CCSER1: variants seen among roughly 807,000 people sequenced by gnomAD.
CCSER1 encodes serine-rich coiled-coil domain-containing protein 1.
In CCSER1, 41 loss-of-function variants were observed where a neutral mutation model predicts 82.0. The observed-to-expected ratio is 0.50, with a 90% confidence interval of 0.39 to 0.65. The LOEUF is 0.65. CCSER1 is among the 30% of genes least tolerant of loss of function. The pLI, the probability that CCSER1 is intolerant of heterozygous loss-of-function variation, is 0.00. For missense variants in CCSER1, 1,119 were observed against 1,064.2 expected, an observed-to-expected ratio of 1.05 and a Z score of -0.72; for synonymous variants, 414 against 383.9, an observed-to-expected ratio of 1.08 and a Z score of -0.92.
chr4:90,539,805 T>C (rs1775876906), intron 5 of CCSER1, among the ~76,000 whole-genome samples: 1 of 152,106 alleles, frequency 6.6e-6, no homozygotes, highest in Non-Finnish European at 1.5e-5. Flanking sequence ...ATAAAACTTA[T>C]AAGAAAGTAC....
At chr4:90,812,304 A>T (rs1282735319) in intron 7 of CCSER1, among the ~76,000 whole-genome samples, 3 of 152,124 alleles carry the variant, frequency 2.0e-5, no homozygotes, top group African/African-American at 7.2e-5. Context: ...GTTAATCTCC[A>T]TTGGCAACAG....
At chr4:91,306,157 A>G (rs1038820013) in intron 10 of CCSER1, among the ~76,000 whole-genome samples, 43 of 151,972 alleles carry the variant, frequency 2.8e-4, no homozygotes, top group Middle Eastern at 3.4e-3. Context: ...CCTTTCATAT[A>G]TGATTACTTT....
intron 7 of CCSER1, among the ~76,000 whole-genome samples, chr4:90,807,567 C>CT (rs1422849648): frequency 1.4e-4 from 21 of 151,808 alleles, no homozygotes; most frequent in Admixed American, 1.4e-3. Context: ...GCAACTCCAT[C>CT]TCAACAAAAT....
At chr4:91,555,150 C>T (rs1405858166) in intron 10 of CCSER1, among the ~76,000 whole-genome samples, 2 of 150,906 alleles carry the variant, frequency 1.3e-5, no homozygotes, top group South Asian at 4.2e-4. Context: ...TCAATATGAC[C>T]CAGAGCACAG....
chr4:91,057,343 C>G (rs978089976), intron 9 of CCSER1, among the ~76,000 whole-genome samples: 2 of 152,144 alleles, frequency 1.3e-5, no homozygotes, highest in Non-Finnish European at 2.9e-5. Context: ...CAGACAGATT[C>G]TCTCAGTGTA....
At chr4:90,997,058 G>A (rs946406083) in intron 9 of CCSER1, among the ~76,000 whole-genome samples, 6 of 152,068 alleles carry the variant, frequency 3.9e-5, no homozygotes, top group African/African-American at 1.4e-4. Flanking sequence ...ACTTCCTGTT[G>A]CCACTGTAAC....
chr4:91,070,071 G>A (rs554662118), intron 9 of CCSER1, among the ~76,000 whole-genome samples: 33 of 150,748 alleles, frequency 2.2e-4, no homozygotes, highest in East Asian at 2.0e-3. Context: ...TAGAAGCTCC[G>A]CCTCCCGAGT....
At chr4:91,240,308 C>A (rs1739308226) in intron 10 of CCSER1, among the ~76,000 whole-genome samples, 1 of 64,298 alleles carries the variant, frequency 1.6e-5, no homozygotes, top group African/African-American at 9.3e-5. Flanking sequence ...GATCTTCTGA[C>A]CACGTGATCC....
chr4:91,305,381 T>C (rs934747038), intron 10 of CCSER1, among the ~76,000 whole-genome samples: 1 of 152,104 alleles, frequency 6.6e-6, no homozygotes, highest in African/African-American at 2.4e-5. Context: ...AAGCCATTAT[T>C]TGCAATTGTA....
At chr4:90,958,337 C>A (rs1226676431) in intron 9 of CCSER1, among the ~76,000 whole-genome samples, 1 of 152,052 alleles carries the variant, frequency 6.6e-6, no homozygotes, top group East Asian at 1.9e-4. Flanking sequence ...TTAAATTATG[C>A]AAGAGGCTAA....
At chr4:91,231,474 A>C (rs1183871349) in intron 10 of CCSER1, among the ~76,000 whole-genome samples, 1 of 151,834 alleles carries the variant, frequency 6.6e-6, no homozygotes, top group Non-Finnish European at 1.5e-5. Context: ...GGGAATTAAC[A>C]TGTTTGAGTA....
At chr4:91,321,662 T>C (rs1363426278) in intron 10 of CCSER1, among the ~76,000 whole-genome samples, 1 of 152,094 alleles carries the variant, frequency 6.6e-6, no homozygotes, top group Non-Finnish European at 1.5e-5. Context: ...TTTTTTATTT[T>C]TAAAATGTTT....
intron 9 of CCSER1, among the ~76,000 whole-genome samples, chr4:90,948,886 A>G (rs1732578350): frequency 6.6e-6 from 1 of 151,956 alleles, no homozygotes; most frequent in South Asian, 2.1e-4. Flanking sequence ...TGAACCATAT[A>G]ATACCACGTA....
At chr4:90,320,558 G>A (rs761408670) in intron 3 of CCSER1, among the ~76,000 whole-genome samples, 1 of 152,090 alleles carries the variant, frequency 6.6e-6, no homozygotes, top group African/African-American at 2.4e-5. Flanking sequence ...ACAAGAAATA[G>A]TCAAATATTT....
chr4:91,449,309 TAAA>T (rs992968947), intron 10 of CCSER1, among the ~76,000 whole-genome samples: 3 of 151,720 alleles, frequency 2.0e-5, no homozygotes, highest in Non-Finnish European at 4.4e-5. Flanking sequence ...TTTCATTGAG[TAAA>T]AAAAATGAGA....
chr4:91,401,856 A>G (rs1439449323), intron 10 of CCSER1, among the ~76,000 whole-genome samples: 1 of 152,130 alleles, frequency 6.6e-6, no homozygotes, highest in Non-Finnish European at 1.5e-5. Context: ...GCCACAATAA[A>G]CATACGTGTG....
chr4:90,361,681 C>A (rs1208968582), intron 3 of CCSER1, among the ~76,000 whole-genome samples: 1 of 152,156 alleles, frequency 6.6e-6, no homozygotes, highest in African/African-American at 2.4e-5. Flanking sequence ...TCCCCAGTGC[C>A]CATTGTTGCA....
intron 5 of CCSER1, among the ~76,000 whole-genome samples, chr4:90,617,443 C>T (rs184448984): frequency 1.6e-3 from 251 of 152,192 alleles, no homozygotes; most frequent in Non-Finnish European, 2.3e-3. Flanking sequence ...ATGCCACCAG[C>T]AACCACTGTT....
intron 6 of CCSER1, among the ~76,000 whole-genome samples, chr4:90,647,147 T>G (rs575768457): frequency 7.2e-5 from 11 of 152,312 alleles, no homozygotes; most frequent in African/African-American, 2.6e-4. Flanking sequence ...ATAATGAGAA[T>G]TTTTAACACC....
Sources: allele counts gnomAD v4.1 joint callset (sites outside exome capture counted in the v4.1 genomes callset), GRCh38; gene constraint gnomAD v4.1.1; transcripts MANE v1.5; gene names NCBI Gene and HGNC (gene_info 2026-07-23, HGNC 2026-07-21).